Variants in GABRB1 observed in about 807,000 individuals in gnomAD.
GABRB1 encodes the protein gamma-aminobutyric acid type A receptor subunit beta1.
In GABRB1, 17 loss-of-function variants were observed where a neutral mutation model predicts 51.6. The ratio of observed to expected loss-of-function variants is 0.33; its 90% CI spans 0.23 to 0.49. The LOEUF (loss-of-function observed/expected upper bound fraction) is 0.49, where lower values mean the gene tolerates loss of function less well. Among genes scored for constraint, GABRB1 ranks in the 20% least tolerant of loss-of-function variants. The probability of loss-of-function intolerance (pLI) is 0.99; values close to 1 mark genes in which losing one functional copy is unlikely to be tolerated. For synonymous variants in GABRB1, 247 were observed against 218.9 expected (o/e 1.13, Z -1.14); for missense variants, 410 against 600.6 (o/e 0.68, Z 3.32).
intron 4 of GABRB1, among the ~76,000 whole-genome samples, chr4:47,195,456 TTAGATGATAGATA>T (rs1196926019): frequency 3.6e-4 from 32 of 89,654 alleles, no homozygotes; most frequent in East Asian, 1.8e-3. Context: ...GATAGATAGA[TTAGATGATAGATA>T]GATAGATAGA....
intron 3 of GABRB1, among the ~76,000 whole-genome samples, chr4:47,147,035 A>C (rs1336404413): frequency 1.3e-5 from 2 of 151,896 alleles, no homozygotes; most frequent in Non-Finnish European, 1.5e-5. Context: ...ACATATACCT[A>C]CCCTAGAGAG....
chr4:47,257,092 G>A (rs1424546491), intron 4 of GABRB1, among the ~76,000 whole-genome samples: 1 of 152,058 alleles, frequency 6.6e-6, no homozygotes, highest in Non-Finnish European at 1.5e-5. Context: ...TTAGTCAATG[G>A]AAGAACCTGG....
intron 4 of GABRB1, among the ~76,000 whole-genome samples, chr4:47,279,883 A>T: frequency 6.7e-6 from 1 of 149,922 alleles, no homozygotes. Flanking sequence ...CACTCCTTAG[A>T]GGTGAAATGA....
intron 3 of GABRB1, among the ~76,000 whole-genome samples, chr4:47,118,710 C>A (rs1715614165): frequency 1.3e-5 from 2 of 152,046 alleles, no homozygotes; most frequent in South Asian, 4.1e-4. Flanking sequence ...ACACAAACAT[C>A]CTAATATATA....
intron 3 of GABRB1, among the ~76,000 whole-genome samples, chr4:47,119,836 A>T (rs1485660205): frequency 6.6e-6 from 1 of 152,150 alleles, no homozygotes; most frequent in Non-Finnish European, 1.5e-5. Context: ...AACACACAGT[A>T]TTACAATCTG....
intron 4 of GABRB1, among the ~76,000 whole-genome samples, chr4:47,293,735 A>T (rs1723850897): frequency 6.6e-6 from 1 of 152,226 alleles, no homozygotes; most frequent in Admixed American, 6.5e-5. Context: ...TTCTTGAATA[A>T]TAAAGACACA....
intron 3 of GABRB1, among the ~76,000 whole-genome samples, chr4:47,107,744 C>G (rs1384038838): frequency 6.6e-6 from 1 of 151,930 alleles, no homozygotes; most frequent in Non-Finnish European, 1.5e-5. Flanking sequence ...GGAGGAAAAT[C>G]AATCTGGAGA....
chr4:47,284,022 C>CGGGAGGCGGAGCTTGCA (rs1435795119), intron 4 of GABRB1, among the ~76,000 whole-genome samples: 1 of 145,618 alleles, frequency 6.9e-6, no homozygotes, highest in Admixed American at 7.2e-5. Context: ...GGCGTGAACC[C>CGGGAGGCGGAGCTTGCA]GGGAGGCGGA....
intron 3 of GABRB1, among the ~76,000 whole-genome samples, chr4:47,127,294 C>A (rs922062049): frequency 2.6e-5 from 4 of 151,652 alleles, no homozygotes; most frequent in African/African-American, 7.3e-5. Flanking sequence ...CAGATTATAA[C>A]ACATGCTAAA....
At chr4:47,130,238 T>C (rs552643374) in intron 3 of GABRB1, among the ~76,000 whole-genome samples, 2 of 152,078 alleles carry the variant, frequency 1.3e-5, no homozygotes, top group East Asian at 3.9e-4. Flanking sequence ...ACCACAAGAT[T>C]TAAGCAGTCT....
chr4:47,008,037 G>A (rs142900297), intron 1 of GABRB1, among the ~76,000 whole-genome samples: 3 of 152,136 alleles, frequency 2.0e-5, no homozygotes, highest in Non-Finnish European at 2.9e-5. Flanking sequence ...CGCATTATTG[G>A]TGAGTGTGGT....
At chr4:47,023,773 C>T (rs1004622068) in intron 1 of GABRB1, among the ~76,000 whole-genome samples, 1 of 151,800 alleles carries the variant, frequency 6.6e-6, no homozygotes, top group African/African-American at 2.4e-5. Flanking sequence ...ATCTCATGTA[C>T]CCCGCAGGTA....
chr4:47,229,579 T>G (rs2109833930), intron 4 of GABRB1, among the ~76,000 whole-genome samples: 1 of 152,306 alleles, frequency 6.6e-6, no homozygotes, highest in South Asian at 2.1e-4. Context: ...AATATTAACT[T>G]ATTATATTAC....
chr4:47,116,868 G>A (rs796369182), intron 3 of GABRB1, among the ~76,000 whole-genome samples: 36 of 152,190 alleles, frequency 2.4e-4, no homozygotes, highest in African/African-American at 8.2e-4. Flanking sequence ...ATGGCAGAAG[G>A]GCAAGGGGAA....
chr4:47,006,085 C>T (rs1724390037), intron 1 of GABRB1, among the ~76,000 whole-genome samples: 1 of 151,280 alleles, frequency 6.6e-6, no homozygotes, highest in Non-Finnish European at 1.5e-5. Context: ...TTTTCTGACT[C>T]ATTTTGACAT....
intron 3 of GABRB1, among the ~76,000 whole-genome samples, chr4:47,115,161 C>G (rs1715409313): frequency 1.3e-5 from 2 of 152,276 alleles, no homozygotes; most frequent in Middle Eastern, 6.8e-3. Context: ...AATTGAGGAA[C>G]AAATTTCTAA....
intron 4 of GABRB1, among the ~76,000 whole-genome samples, chr4:47,170,380 TACACACACACACACACACACACGCAC>T (rs1560569338): frequency 2.0e-5 from 3 of 148,910 alleles, no homozygotes; most frequent in African/African-American, 7.4e-5. Flanking sequence ...ACAGATCCAC[TACACACACACACACACACACACGCAC>T]ACACACACAC....
In GABRB1 at chr4:47,175,410, A is replaced by G. The variant is rs1458270424; in HGVS notation, c.461+13941A>G. On this transcript the variant is annotated intron_variant, in intron 4 of 8. Transcript: ENST00000295454. ...CTTGTATTTCTTTTTCCTACAATGCACACTATAGTTAGCACATATTAAGCA... is the reference window on the plus strand; with the variant it reads ...CTTGTATTTCTTTTTCCTACAATGCGCACTATAGTTAGCACATATTAAGCA... 8.5e-5 allele frequency among the ~76,000 whole-genome samples: 13 copies of G among 152,162 alleles called. No homozygotes were observed. In the East Asian group the frequency reaches 2.5e-3, roughly 29 times the overall value.
chr4:47,274,644 C>A (rs918520954), intron 4 of GABRB1, among the ~76,000 whole-genome samples: 2 of 152,062 alleles, frequency 1.3e-5, no homozygotes, highest in African/African-American at 4.8e-5. Context: ...GTTGTTACCC[C>A]CAAAAGTAAG....
Sources: allele counts gnomAD v4.1 joint callset (sites outside exome capture counted in the v4.1 genomes callset), GRCh38; gene constraint gnomAD v4.1.1; transcripts MANE v1.5; gene names NCBI Gene and HGNC (gene_info 2026-07-23, HGNC 2026-07-21).